Variants in USO1 observed in about 807,000 individuals in gnomAD.
The protein encoded by USO1 is general vesicular transport factor p115.
USO1 carries 57 observed loss-of-function variants against 124.5 expected under a neutral mutation model. The ratio of observed to expected loss-of-function variants is 0.46; its 90% CI spans 0.37 to 0.57. The LOEUF is 0.57. USO1 is among the 20% of genes least tolerant of loss of function. The pLI is 0.00. For missense variants in USO1, 900 were observed against 1,040.6 expected (o/e 0.86, Z 1.86); for synonymous variants, 369 against 362.8 (o/e 1.02, Z -0.19).
chr4:75,746,221 A>G (rs78258780), intron 1 of USO1, among the ~76,000 whole-genome samples: 2,239 of 152,322 alleles, frequency 0.015, 54 homozygotes, highest in African/African-American at 0.051. Context: ...ATGAAGAACA[A>G]GTAGCTTCCT....
intron 4 of USO1, among the ~76,000 whole-genome samples, chr4:75,762,425 G>A (rs1188479219): frequency 6.6e-6 from 1 of 151,564 alleles, no homozygotes; most frequent in East Asian, 1.9e-4. Flanking sequence ...GCCTCCCAAA[G>A]TGTTGGGATT....
At chr4:75,734,029 T>C (rs1035436032) in intron 1 of USO1, among the ~76,000 whole-genome samples, 2 of 143,380 alleles carry the variant, frequency 1.4e-5, no homozygotes, top group Non-Finnish European at 3.0e-5. Context: ...CACTGCAACC[T>C]CTGCCTCCCG....
chr4:75,734,878 AC>A (rs1720744929), intron 1 of USO1, among the ~76,000 whole-genome samples: 1 of 151,318 alleles, frequency 6.6e-6, no homozygotes, highest in Non-Finnish European at 1.5e-5. Context: ...ACAGGCACCC[AC>A]CACCACACCC....
intron 1 of USO1, among the ~76,000 whole-genome samples, chr4:75,725,519 C>G (rs1166910523): frequency 1.3e-5 from 2 of 151,864 alleles, no homozygotes; most frequent in Non-Finnish European, 2.9e-5. Context: ...GCAAATGCTA[C>G]CTTGAACGTA....
chr4:75,777,843 C>T (rs1722113892), intron 8 of USO1, among the ~76,000 whole-genome samples: 1 of 152,098 alleles, frequency 6.6e-6, no homozygotes, highest in Non-Finnish European at 1.5e-5. Context: ...GGTATTTACC[C>T]AAATTAGTTT....
chr4:75,742,466 TCAAA>T (rs1361498772), intron 1 of USO1, among the ~76,000 whole-genome samples: 1 of 152,196 alleles, frequency 6.6e-6, no homozygotes, highest in Non-Finnish European at 1.5e-5. Flanking sequence ...GAGATTTGTT[TCAAA>T]CAAATAGGCT....
At chr4:75,762,282 T>A (rs1195905198) in intron 4 of USO1, among the ~76,000 whole-genome samples, 2 of 148,272 alleles carry the variant, frequency 1.3e-5, no homozygotes, top group Non-Finnish European at 3.0e-5. Flanking sequence ...GCGATTCTCA[T>A]GCCTCAGCCT....
At chr4:75,772,083 TA>T (rs1424268027) in intron 7 of USO1, among the ~76,000 whole-genome samples, 14 of 152,228 alleles carry the variant, frequency 9.2e-5, no homozygotes, top group Admixed American at 3.9e-4. Flanking sequence ...CTTAGCCTTA[TA>T]ACTGGTTAAT....
intron 7 of USO1, among the ~76,000 whole-genome samples, chr4:75,772,441 A>G (rs1577951650): frequency 6.6e-6 from 1 of 151,814 alleles, no homozygotes; most frequent in African/African-American, 2.4e-5. Context: ...GTTTCACCAT[A>G]TTGGCCAGGC....
intron 1 of USO1, among the ~76,000 whole-genome samples, chr4:75,735,611 C>T (rs1720767223): frequency 6.6e-6 from 1 of 152,120 alleles, no homozygotes; most frequent in Admixed American, 6.6e-5. Context: ...GCCTCAACCT[C>T]CTATACTCAA....
intron 8 of USO1, 31 bp from the exon 9 acceptor site, chr4:75,782,648 CT>C: frequency 1.3e-6 from 2 of 1,522,212 alleles, no homozygotes; most frequent in Non-Finnish European, 1.8e-6. Flanking sequence ...TTTTACGAGC[CT>C]TAACGCTTGT....
At chr4:75,793,978 A>T (rs566713953) in intron 13 of USO1, 77 bp downstream of exon 13, 4 of 1,571,670 alleles carry the variant, frequency 2.5e-6, no homozygotes, top group South Asian at 2.4e-5. Flanking sequence ...TCTTTAGAAG[A>T]TGCAGATGAA....
At chr4:75,737,731 C>T (rs986514169) in intron 1 of USO1, among the ~76,000 whole-genome samples, 3 of 152,066 alleles carry the variant, frequency 2.0e-5, no homozygotes, top group Non-Finnish European at 4.4e-5. Flanking sequence ...ACATAGAAAT[C>T]TGGATTTTTA....
chr4:75,769,335 A>T (rs778635805), intron 4 of USO1, among the ~76,000 whole-genome samples: 1 of 152,228 alleles, frequency 6.6e-6, no homozygotes, highest in African/African-American at 2.4e-5. Flanking sequence ...TTTCTGAAGG[A>T]TAAACCCAGC....
chr4:75,745,316 G>A lies in USO1; in HGVS notation c.67-7057G>A, dbSNP rs372843333. 239 of 519,418 alleles carry A rather than the reference G, an allele frequency of 4.6e-4. 4 individuals are homozygous for A. The highest frequency in any genetic ancestry group is 3.2e-3 in the South Asian group (226 of 71,486). The allele number at this position is 519,418 out of a possible 1,614,324, so 32.2% of individuals were successfully genotyped here. Reference sequence around the variant, plus strand: ...TTAGAACAAGGAACTGCCCTGGCTGGGCAGTTTAGTCAAAGGCTTGTCAGG... The same window carrying A: ...TTAGAACAAGGAACTGCCCTGGCTGAGCAGTTTAGTCAAAGGCTTGTCAGG... On this transcript the variant is annotated intron_variant, in intron 1 of 23. Coordinates refer to ENST00000514213, the MANE Select transcript of USO1 (RefSeq NM_003715.4).
intron 1 of USO1, among the ~76,000 whole-genome samples, chr4:75,746,181 A>T (rs934318318): frequency 1.3e-5 from 2 of 152,194 alleles, no homozygotes; most frequent in African/African-American, 4.8e-5. Flanking sequence ...CACCAGCCTA[A>T]GTTCTAGGCC....
rs557654910 is a variant in USO1, at chr4:75,744,838, C to T, written c.67-7535C>T. 104 of 434,962 alleles carry T rather than the reference C, an allele frequency of 2.4e-4. 3 individuals are homozygous for T. The highest frequency in any genetic ancestry group is 1.7e-3 in the South Asian group (102 of 58,490). The allele number at this position is 434,962 out of a possible 1,614,324, so 26.9% of individuals were successfully genotyped here. On this transcript the variant is annotated intron_variant, in intron 1 of 23. Coordinates refer to ENST00000514213, the MANE Select transcript of USO1 (RefSeq NM_003715.4). ...GCCCCCATGAATGGACATTAAGATA[C>T]TTCCGATGTGTTTTGTTTTCTATTG...
At chr4:75,808,831 TTTAGAG>T in intron 20 of USO1, 116 bp from the exon 21 acceptor site, 1 of 1,175,316 alleles carries the variant, frequency 8.5e-7, no homozygotes, top group Non-Finnish European at 1.2e-6. Context: ...AGAATAGTTC[TTTAGAG>T]TTAGATTTTA....
chr4:75,725,028 C>G, intron 1 of USO1, 143 bp downstream of exon 1: 1 of 826,392 alleles, frequency 1.2e-6, no homozygotes, highest in Non-Finnish European at 1.9e-6. Context: ...CCTCCTTCCG[C>G]TCCTGAAATC....
Sources: allele counts gnomAD v4.1 joint callset (sites outside exome capture counted in the v4.1 genomes callset), GRCh38; gene constraint gnomAD v4.1.1; transcripts MANE v1.5; gene names NCBI Gene and HGNC (gene_info 2026-07-23, HGNC 2026-07-21).